AKAP19: variants seen among roughly 807,000 people sequenced by gnomAD.
The protein encoded by AKAP19 is small A-kinase anchoring protein.
At chr2:190,170,245 TA>T in the AKAP19 span, among the ~76,000 whole-genome samples, 1 of 152,224 alleles carries the variant, frequency 6.6e-6, no homozygotes, top group Non-Finnish European at 1.5e-5. Flanking sequence ...GCCCCATCTC[TA>T]AATATGATCA....
the AKAP19 span, among the ~76,000 whole-genome samples, chr2:190,011,050 C>CTTTTTTTTTTTTTTTTTTTTTTTTTTT: frequency 1.7e-5 from 1 of 59,552 alleles, no homozygotes; most frequent in Non-Finnish European, 3.3e-5. Context: ...CTCTCTCTCT[C>CTTTTTTTTTTTTTTTTTTTTTTTTTTT]TTTTTTTTTT....
the AKAP19 span, chr2:189,930,531 G>A: frequency 4.8e-6 from 1 of 206,988 alleles, no homozygotes; most frequent in African/African-American, 2.4e-5. Flanking sequence ...ACAAAAATTA[G>A]CTGGCGTGGT....
the AKAP19 span, among the ~76,000 whole-genome samples, chr2:190,090,136 C>A: frequency 6.6e-6 from 1 of 152,144 alleles, no homozygotes. Context: ...TGATATTACC[C>A]TTTTCAATTG....
the AKAP19 span, among the ~76,000 whole-genome samples, chr2:189,942,297 T>G: frequency 6.6e-6 from 1 of 152,162 alleles, no homozygotes; most frequent in Non-Finnish European, 1.5e-5. Context: ...TCCTGTTTCA[T>G]TACGTGATAT....
the AKAP19 span, among the ~76,000 whole-genome samples, chr2:190,101,111 C>T: frequency 0.43 from 66,105 of 152,134 alleles, 15,553 homozygotes; most frequent in South Asian, 0.68. Context: ...AATCTAGGCA[C>T]ATGCAAAGTC....
At chr2:190,115,599 G>A in the AKAP19 span, among the ~76,000 whole-genome samples, 25 of 151,420 alleles carry the variant, frequency 1.7e-4, no homozygotes, top group Non-Finnish European at 2.4e-4. Context: ...GATTACAGGC[G>A]TGAGCCACCG....
At chr2:190,082,150 G>A in the AKAP19 span, among the ~76,000 whole-genome samples, 1 of 152,182 alleles carries the variant, frequency 6.6e-6, no homozygotes, top group African/African-American at 2.4e-5. Context: ...TCCACCCTTG[G>A]ATCATGCCGA....
chr2:190,180,512 T>C, the AKAP19 span: 2 of 985,542 alleles, frequency 2.0e-6, no homozygotes, highest in Non-Finnish European at 2.4e-6. This position sits in a 1 kb window ranked among gnomAD's most constrained non-coding sequence, Gnocchi z 6.8. Context: ...CCTCGCTGGC[T>C]TCTGCTTTCA....
chr2:189,919,325 T>A, the AKAP19 span, among the ~76,000 whole-genome samples: 3 of 152,190 alleles, frequency 2.0e-5, no homozygotes, highest in East Asian at 5.8e-4. Context: ...AAAGTGATAG[T>A]GGCACAACAG....
chr2:190,008,909 A>C, the AKAP19 span, among the ~76,000 whole-genome samples: 2 of 152,108 alleles, frequency 1.3e-5, no homozygotes, highest in Admixed American at 1.3e-4. Flanking sequence ...AGGGGATTGC[A>C]ATTTTAAATA....
chr2:190,196,539 C>CTT, the AKAP19 span, among the ~76,000 whole-genome samples: 1 of 142,294 alleles, frequency 7.0e-6, no homozygotes. Flanking sequence ...TTTTTTTTCC[C>CTT]TTGATTATGG....
the AKAP19 span, among the ~76,000 whole-genome samples, chr2:190,117,792 A>G: frequency 6.6e-6 from 1 of 152,362 alleles, no homozygotes. Context: ...TATGGCTTGT[A>G]GAATCTGAAG....
At chr2:190,004,409 G>A in the AKAP19 span, among the ~76,000 whole-genome samples, 1 of 152,188 alleles carries the variant, frequency 6.6e-6, no homozygotes, top group Non-Finnish European at 1.5e-5. Context: ...CACAATATAA[G>A]TGAAAATTCT....
the AKAP19 span, among the ~76,000 whole-genome samples, chr2:190,043,560 A>T: frequency 6.6e-6 from 1 of 151,992 alleles, no homozygotes; most frequent in Non-Finnish European, 1.5e-5. Context: ...GTTCTTTTTT[A>T]TCTTGGCTAT....
At chr2:189,976,511 C>T in the AKAP19 span, among the ~76,000 whole-genome samples, 2 of 152,226 alleles carry the variant, frequency 1.3e-5, no homozygotes, top group African/African-American at 4.8e-5. Flanking sequence ...AGCTGTCAGA[C>T]AGGGACATTT....
chr2:190,197,396 G>A, the AKAP19 span, among the ~76,000 whole-genome samples: 1 of 152,180 alleles, frequency 6.6e-6, no homozygotes, highest in African/African-American at 2.4e-5. The surrounding 1 kb of genome is among the most constrained non-coding windows in gnomAD (Gnocchi z 4.0). Flanking sequence ...CAACTCTTAA[G>A]TCCTAGAGGA....
the AKAP19 span, among the ~76,000 whole-genome samples, chr2:190,133,163 A>G: frequency 2.3e-3 from 323 of 142,230 alleles, 1 homozygote; most frequent in African/African-American, 7.9e-3. Context: ...GCGTGAACCC[A>G]GGAGGCGGAG....
At chr2:190,175,583 A>G in the AKAP19 span, among the ~76,000 whole-genome samples, 5 of 152,222 alleles carry the variant, frequency 3.3e-5, no homozygotes, top group Non-Finnish European at 5.9e-5. Flanking sequence ...ATGTGAGTAA[A>G]GGAAATTCTG....
At chr2:189,976,030 G>A in the AKAP19 span, among the ~76,000 whole-genome samples, 3,553 of 152,290 alleles carry the variant, frequency 0.023, 138 homozygotes, top group African/African-American at 0.081. Flanking sequence ...GTGAGAAGCG[G>A]CGTTCCTTGG....
Sources: allele counts gnomAD v4.1 joint callset (sites outside exome capture counted in the v4.1 genomes callset), GRCh38; gene constraint gnomAD v4.1.1; non-coding constraint Gnocchi (gnomAD v3.1); transcripts MANE v1.5; gene names NCBI Gene and HGNC (gene_info 2026-07-23, HGNC 2026-07-21).